Variants in NT5C2 observed in about 807,000 individuals in gnomAD.
The protein encoded by NT5C2 is 5'-nucleotidase, cytosolic II.
In NT5C2, 58 loss-of-function variants were observed where a neutral mutation model predicts 76.1. The ratio of observed to expected loss-of-function variants is 0.76; its 90% CI spans 0.62 to 0.95. NT5C2 has a LOEUF of 0.95. Ranked by LOEUF, NT5C2 falls within the 40% of genes least tolerant of loss-of-function variation. The pLI, the probability that NT5C2 is intolerant of heterozygous loss-of-function variation, is 0.00. For missense variants in NT5C2, 478 were observed against 690.3 expected, an observed-to-expected ratio of 0.69 and a Z score of 3.45; for synonymous variants, 229 against 237.4, an observed-to-expected ratio of 0.96 and a Z score of 0.32.
intron 6 of NT5C2, among the ~76,000 whole-genome samples, chr10:103,104,277 T>C (rs780536971): frequency 6.6e-6 from 1 of 152,264 alleles, no homozygotes; most frequent in Non-Finnish European, 1.5e-5. Context: ...GAAACTTTAT[T>C]GGCTTATTTA....
At position 103,174,895 on chromosome 10, in the gene NT5C2, G is replaced by A; in HGVS notation, c.64C>T (p.His22Tyr). Residue 22 changes from histidine (H) to tyrosine (Y), a missense_variant, in exon 3 of 19, where the codon CAT becomes TAT. Coordinates refer to ENST00000404739, the MANE Select transcript of NT5C2 (RefSeq NM_001351169.2). ...TCTCGACGATACTTTTTCAGGGCATGCTTATCCATGTTAGCAGGCATATCT... is the reference window on the plus strand; with the variant it reads ...TCTCGACGATACTTTTTCAGGGCATACTTATCCATGTTAGCAGGCATATCT... ...AADMPANMDK[H>Y]ALKKYRREAY... 1.2e-6 allele frequency: 2 copies of A among 1,613,626 alleles called. No individual in the cohort carries two copies. Among genetic ancestry groups the A allele is most frequent in the Non-Finnish European group, 8.5e-7 (1 of 1,179,676 alleles).
chr10:103,189,359 G>A (rs7092407), intron 1 of NT5C2, among the ~76,000 whole-genome samples: 62,000 of 151,776 alleles, frequency 0.41, 12,844 homozygotes, highest in East Asian at 0.53. Context: ...TGTAATCGCA[G>A]CACTTTGGGA....
At chr10:103,166,065 C>A (rs187637748) in intron 3 of NT5C2, among the ~76,000 whole-genome samples, 21 of 152,350 alleles carry the variant, frequency 1.4e-4, no homozygotes, top group African/African-American at 4.8e-4. Context: ...TTTCATGAAC[C>A]CTTCACACAG....
chr10:103,091,820 CCTT>C (rs1197438386), intron 15 of NT5C2, among the ~76,000 whole-genome samples: 1 of 152,182 alleles, frequency 6.6e-6, no homozygotes, highest in Non-Finnish European at 1.5e-5. Context: ...AACACCATCA[CCTT>C]CTCTTTAACT....
chr10:103,167,112 T>C (rs542563600), intron 3 of NT5C2, among the ~76,000 whole-genome samples: 1 of 152,066 alleles, frequency 6.6e-6, no homozygotes, highest in African/African-American at 2.4e-5. Flanking sequence ...GCCTCCTGTA[T>C]TCAAGCGATT....
At chr10:103,176,825 A>G (rs1023174115) in intron 2 of NT5C2, among the ~76,000 whole-genome samples, 3 of 152,162 alleles carry the variant, frequency 2.0e-5, no homozygotes, top group African/African-American at 7.2e-5. Context: ...GTTTTCATAA[A>G]TATCTTACTC....
chr10:103,113,135 G>C (rs1347181922), intron 4 of NT5C2, among the ~76,000 whole-genome samples: 2 of 152,024 alleles, frequency 1.3e-5, no homozygotes, highest in Non-Finnish European at 2.9e-5. Context: ...AGATATCATA[G>C]CAATACTTTT....
intron 3 of NT5C2, among the ~76,000 whole-genome samples, chr10:103,166,283 ATC>A (rs1162023560): frequency 6.6e-6 from 1 of 152,174 alleles, no homozygotes; most frequent in African/African-American, 2.4e-5. Context: ...TACACCCACC[ATC>A]TCCCTCCACC....
chr10:103,167,892 C>T (rs2086817513), intron 3 of NT5C2, among the ~76,000 whole-genome samples: 1 of 152,080 alleles, frequency 6.6e-6, no homozygotes, highest in African/African-American at 2.4e-5. Flanking sequence ...CCTGGGTCTC[C>T]CAAAGTGCTA....
chr10:103,123,141 T>C (rs2076015154), intron 4 of NT5C2, among the ~76,000 whole-genome samples: 1 of 152,172 alleles, frequency 6.6e-6, no homozygotes, highest in African/African-American at 2.4e-5. Flanking sequence ...TTTTTGACTT[T>C]TTGTTTGAGA....
intron 15 of NT5C2, 54 bp from the exon 16 acceptor site, chr10:103,091,669 T>G: frequency 7.0e-7 from 1 of 1,420,584 alleles, no homozygotes. Flanking sequence ...AAGCACCTAG[T>G]TCTTAACTGC....
rs777512424 is a variant in NT5C2, at chr10:103,089,627, T to G, written c.*45A>C. ...GGACCTCGTTTGTTCCTGTGAGTCC[T>G]GCCAGGACTTGTTTAATGGGTGCTT... On this transcript the variant is annotated 3_prime_UTR_variant, in exon 19 of 19. Coordinates refer to ENST00000404739, the MANE Select transcript of NT5C2 (RefSeq NM_001351169.2). The G allele has an allele frequency of 5.9e-6, 9 of 1,533,446 alleles. No individual in the cohort carries two copies. Among genetic ancestry groups the G allele is most frequent in the Non-Finnish European group, 7.9e-6 (9 of 1,140,352 alleles). 95.0% of individuals were successfully genotyped at this position (1,533,446 alleles called of 1,614,324 possible).
chr10:103,154,587 A>G (rs1369814167), intron 3 of NT5C2, among the ~76,000 whole-genome samples: 1 of 152,190 alleles, frequency 6.6e-6, no homozygotes, highest in African/African-American at 2.4e-5. Flanking sequence ...ACTTAACCTA[A>G]GCCTGAGCGT....
intron 4 of NT5C2, 111 bp downstream of exon 4, chr10:103,139,294 TG>T: frequency 1.7e-6 from 1 of 577,504 alleles, no homozygotes; most frequent in Non-Finnish European, 2.9e-6. Flanking sequence ...TAAAAGCTTC[TG>T]GCAGCCAAAT....
intron 18 of NT5C2, chr10:103,090,366 GCCA>G: frequency 2.4e-6 from 1 of 424,440 alleles, no homozygotes; most frequent in East Asian, 3.8e-5. Context: ...ACAGGCATGA[GCCA>G]CCATGCCTGG....
intron 4 of NT5C2, among the ~76,000 whole-genome samples, chr10:103,129,770 G>A (rs1246808836): frequency 7.4e-5 from 7 of 95,028 alleles, no homozygotes; most frequent in East Asian, 3.6e-4. Context: ...TCAGCCCCCC[G>A]CCCGGCCAGC....
In NT5C2 at chr10:103,101,046, T is replaced by C; in HGVS notation, c.538A>G (p.Ser180Gly). 1 of 1,496,724 alleles carries C rather than the reference T, an allele frequency of 6.7e-7. No homozygotes were observed. The highest frequency in any genetic ancestry group is 1.7e-5 in the Admixed American group (1 of 59,772). The allele number at this position is 1,496,724 out of a possible 1,614,324, so 92.7% of individuals were successfully genotyped here. Residue 180 changes from serine (S) to glycine (G), a missense_variant and splice_region_variant, in exon 8 of 19, where the codon AGT becomes GGT. Physicochemically the swap from Ser to Gly is moderately conservative, Grantham distance 56 (BLOSUM62 0). Coordinates refer to ENST00000404739, the MANE Select transcript of NT5C2 (RefSeq NM_001351169.2). ...DFFTNCPRYT[S>G]CETGFKDGDL... The stretch of plus-strand genomic sequence containing the variant: ...AAAATAATTATAGTATATACATACC[T>C]GGTATATCTGGGACAATTAGTAAAA...
At chr10:103,126,774 C>T (rs140936761) in intron 4 of NT5C2, among the ~76,000 whole-genome samples, 84 of 152,218 alleles carry the variant, frequency 5.5e-4, no homozygotes, top group Non-Finnish European at 7.6e-4. Context: ...TTGAATAATG[C>T]GGGTTTGAAC....
At chr10:103,144,311 G>C (rs2081108241) in intron 3 of NT5C2, among the ~76,000 whole-genome samples, 1 of 152,160 alleles carries the variant, frequency 6.6e-6, no homozygotes, top group Non-Finnish European at 1.5e-5. Flanking sequence ...CAATCCAGGA[G>C]AGAAGTATGC....
Sources: gnomAD v4.1 joint callset for allele counts (sites outside exome capture counted in the v4.1 genomes callset) on GRCh38, gnomAD v4.1.1 for gene constraint, MANE v1.5 for transcripts, NCBI Gene and HGNC (gene_info 2026-07-23, HGNC 2026-07-21) for gene names.